The following PPP2R3B variants were observed in gnomAD, a reference collection of about 807,000 sequenced individuals.
PPP2R3B encodes protein phosphatase 2 regulatory subunit B''beta.
A neutral mutation model predicts 72.9 loss-of-function variants in PPP2R3B; 68 were observed. The ratio of observed to expected loss-of-function variants is 0.93; its 90% CI spans 0.77 to 1.14. The LOEUF (loss-of-function observed/expected upper bound fraction) is 1.14. PPP2R3B is among the 50% of genes most tolerant of loss of function. PPP2R3B has a pLI of 0.00. For missense variants in PPP2R3B, 1,018 were observed against 842.0 expected, an observed-to-expected ratio of 1.21 and a Z score of -2.59; for synonymous variants, 466 against 375.8, an observed-to-expected ratio of 1.24 and a Z score of -2.78.
At chrX:349,612 C>G (rs765634084) in intron 2 of PPP2R3B, among the ~76,000 whole-genome samples, 5 of 152,190 alleles carry the variant, frequency 3.3e-5, no homozygotes, top group Non-Finnish European at 7.3e-5. Flanking sequence ...TGTAGACAAT[C>G]CAAATGCTTA....
At chrX:350,519 T>C (rs2071307697) in intron 2 of PPP2R3B, among the ~76,000 whole-genome samples, 1 of 150,882 alleles carries the variant, frequency 6.6e-6, no homozygotes, top group Admixed American at 6.6e-5. Flanking sequence ...TAAGCATCAG[T>C]GAGAAAGAGG....
intron 1 of PPP2R3B, among the ~76,000 whole-genome samples, chrX:371,373 G>A (rs549402185): frequency 5.9e-5 from 9 of 152,260 alleles, no homozygotes; most frequent in East Asian, 3.9e-4. Context: ...GCCGGCGGTC[G>A]CTGAACGCCC....
chrX:358,983 G>GCGGCC (rs1258405268), intron 2 of PPP2R3B, among the ~76,000 whole-genome samples: 6 of 150,138 alleles, frequency 4.0e-5, no homozygotes, highest in Non-Finnish European at 7.4e-5. Flanking sequence ...GGGAAGCACC[G>GCGGCC]CGGCCGGGGA....
Position 334,196 on chromosome X carries a change from G to A in PPP2R3B, c.*171C>T. On this transcript the variant is annotated 3_prime_UTR_variant, in exon 13 of 13. Transcript: ENST00000390665. ...GTGTCCCCCTGGCACAGAGCTCTGG[G>A]CAGGTCCAGCCACGAACCCACAGCG... The A allele has an allele frequency of 1.3e-6, 1 of 755,496 alleles. No homozygotes were observed. Among genetic ancestry groups the A allele is most frequent in the East Asian group, 3.6e-5 (1 of 28,136 alleles). 46.8% of individuals were successfully genotyped at this position (755,496 alleles called of 1,614,324 possible). A position where few individuals can be genotyped will look rare whatever the true frequency, so the allele number is the denominator to read the frequency against.
chrX:363,256 T>TCCCACAGTGCATCTCCCCGAGCCCAC (rs2071582610), intron 1 of PPP2R3B, among the ~76,000 whole-genome samples: 2 of 118,472 alleles, frequency 1.7e-5, no homozygotes, highest in East Asian at 2.5e-4. Context: ...CCCGAGCCCA[T>TCCCACAGTGCATCTCCCCGAGCCCAC]GATCCCGCAG....
At chrX:371,252 C>T (rs942378319) in intron 1 of PPP2R3B, among the ~76,000 whole-genome samples, 8 of 152,050 alleles carry the variant, frequency 5.3e-5, no homozygotes, top group Non-Finnish European at 7.4e-5. Context: ...AACACGCCAT[C>T]GTCACACGGG....
At chrX:361,171 G>A (rs984058508) in intron 2 of PPP2R3B, among the ~76,000 whole-genome samples, 3 of 152,208 alleles carry the variant, frequency 2.0e-5, no homozygotes, top group Non-Finnish European at 2.9e-5. Flanking sequence ...ATTCCCACTC[G>A]CATTTCAGAT....
rs1340377149 is a variant in PPP2R3B at position 338,653 on chromosome X, A to G, written c.1528T>C (p.Tyr510His). Reference protein sequence around the residue: ...SDWEKYAAEEYDILVAEETAG... With the variant: ...SDWEKYAAEEHDILVAEETAG... ...GTCTCCTCGGCCACCAGGATGTCGT[A>G]CTCCTCGGCCGCGTACTTCTCCCAG... is the stretch of plus-strand genomic sequence containing the variant. Residue 510 changes from tyrosine (Y) to histidine (H), a missense_variant, in exon 12 of 13, where the codon TAC becomes CAC. Tyr to His is a moderately conservative substitution (Grantham distance 83). Transcript: ENST00000390665. The G allele has an allele frequency of 6.2e-7, 1 of 1,609,906 alleles. No individual in the cohort carries two copies. Among genetic ancestry groups the G allele is most frequent in the East Asian group, 2.2e-5 (1 of 44,856 alleles).
intron 7 of PPP2R3B, chrX:345,205 G>C (rs2071171608): frequency 1.6e-6 from 1 of 609,766 alleles, no homozygotes; most frequent in African/African-American, 1.8e-5. Flanking sequence ...CCCTTGCTCG[G>C]GTGTTAACAA....
At position 334,289 on chromosome X, in the gene PPP2R3B, ACAG is replaced by A. The variant is rs1223755702; in HGVS notation, c.*75_*77del. 6 of 1,379,702 alleles carry A rather than the reference ACAG, an allele frequency of 4.3e-6. No homozygotes were observed. In the African/African-American group the frequency reaches 9.2e-5, roughly 21 times the overall value. The allele number at this position is 1,379,702 out of a possible 1,614,324, so 85.5% of individuals were successfully genotyped here. On this transcript the variant is annotated 3_prime_UTR_variant, in exon 13 of 13. Coordinates refer to ENST00000390665, the MANE Select transcript of PPP2R3B (RefSeq NM_013239.5). ...CGTACAAACGCACTCATTTTCCACA[ACAG>A]TTTTTACACGAGCCGCGGTGGCCCG...
At position 346,171 on chromosome X, in the gene PPP2R3B, C is replaced by T; in HGVS notation, c.879+3G>A. The T allele has an allele frequency of 6.4e-7, 1 of 1,553,658 alleles. No homozygotes were observed. The highest frequency in any genetic ancestry group is 8.7e-7 in the Non-Finnish European group (1 of 1,152,144). On this transcript the variant is annotated splice_donor_region_variant and intron_variant, in intron 6 of 12. Transcript: ENST00000390665. ...GGGCAGGGGACAGGGGGCCGCTCCG[C>T]ACCTGCAGGAAGGAGCTCCTCCGCA...
intron 2 of PPP2R3B, among the ~76,000 whole-genome samples, chrX:359,671 G>A (rs967923171): frequency 1.7e-4 from 26 of 152,286 alleles, no homozygotes; most frequent in Middle Eastern, 6.8e-3. Flanking sequence ...CTACAAATAC[G>A]GAGTGACTTA....
chrX:373,723 C>G (rs1474540579), intron 1 of PPP2R3B: 1 of 147,986 alleles, frequency 6.8e-6, no homozygotes, highest in Non-Finnish European at 1.5e-5. Context: ...AGGGCCGGGC[C>G]GGGGCCGGCG....
At chrX:352,139 A>T (rs903109737) in intron 2 of PPP2R3B, among the ~76,000 whole-genome samples, 7 of 152,242 alleles carry the variant, frequency 4.6e-5, no homozygotes, top group Non-Finnish European at 5.9e-5. Flanking sequence ...GAGATAATCA[A>T]CTCTAAAATG....
At chrX:345,759 G>T in intron 6 of PPP2R3B, 87 bp from the exon 7 acceptor site, 1 of 1,516,054 alleles carries the variant, frequency 6.6e-7, no homozygotes, top group Non-Finnish European at 9.0e-7. Context: ...AGGGAAGGCT[G>T]GGAGGGTCGG....
intron 1 of PPP2R3B, among the ~76,000 whole-genome samples, chrX:382,750 C>T (rs1482512777): frequency 2.6e-5 from 4 of 152,066 alleles, no homozygotes; most frequent in African/African-American, 9.7e-5. Context: ...TATTCCCAGC[C>T]CTAGGAGAAT....
At chrX:369,859 C>T (rs746318549) in intron 1 of PPP2R3B, among the ~76,000 whole-genome samples, 20 of 152,350 alleles carry the variant, frequency 1.3e-4, no homozygotes, top group African/African-American at 4.1e-4. Context: ...CGCTCTGCAG[C>T]GGCCCCCACT....
chrX:386,502 CGAGCGGGGCTGT>C lies in PPP2R3B; in HGVS notation c.178_189del (p.Thr60_Leu63del). Reference sequence around the variant, plus strand: ...TCGAGCCCGCTGGGCCGGGGGGCGGCGAGCGGGGCTGTGGGCCAGGCCCCGGGCTGCTCCCCG... The same window carrying C: ...TCGAGCCCGCTGGGCCGGGGGGCGGCGGGCCAGGCCCCGGGCTGCTCCCCG... On this transcript the variant is annotated inframe_deletion, in exon 1 of 13. Transcript: ENST00000390665. 1 of 1,296,282 alleles carries C rather than the reference CGAGCGGGGCTGT, an allele frequency of 7.7e-7. No homozygotes were observed. Among genetic ancestry groups the C allele is most frequent in the Non-Finnish European group, 9.8e-7 (1 of 1,022,232 alleles). The allele number at this position is 1,296,282 out of a possible 1,614,324, so 80.3% of individuals were successfully genotyped here.
chrX:341,984 T>TCAC, intron 7 of PPP2R3B, 53 bp from the exon 8 acceptor site: 1 of 1,601,356 alleles, frequency 6.2e-7, no homozygotes, highest in South Asian at 1.1e-5. Flanking sequence ...GGCCCCGACG[T>TCAC]CACCACCCCC....
Sources: allele counts gnomAD v4.1 joint callset (sites outside exome capture counted in the v4.1 genomes callset), GRCh38; gene constraint gnomAD v4.1.1; transcripts MANE v1.5; gene names NCBI Gene and HGNC (gene_info 2026-07-23, HGNC 2026-07-21).